Variants in ASTN2 observed in about 807,000 individuals in gnomAD.
ASTN2 encodes the protein astrotactin 2, also known as astrotactin-2.
Under a neutral mutation model 139.8 loss-of-function variants are expected in ASTN2, and 54 were observed. The ratio of observed to expected loss-of-function variants is 0.39; its 90% CI spans 0.31 to 0.48. The LOEUF (loss-of-function observed/expected upper bound fraction) is 0.48, where lower values mean the gene tolerates loss of function less well. Among genes scored for constraint, ASTN2 ranks in the 20% least tolerant of loss-of-function variants. ASTN2 has a pLI of 0.95. For synonymous variants in ASTN2, 756 were observed against 719.5 expected, an observed-to-expected ratio of 1.05 and a Z score of -0.81; for missense variants, 1,565 against 1,725.1, an observed-to-expected ratio of 0.91 and a Z score of 1.64.
chr9:117,081,851 C>G (rs1828437003), intron 5 of ASTN2, among the ~76,000 whole-genome samples: 1 of 152,178 alleles, frequency 6.6e-6, no homozygotes, highest in South Asian at 2.1e-4. Context: ...GCACATCACT[C>G]ATACAGCTAC....
At chr9:116,763,024 C>G (rs1829713617) in intron 13 of ASTN2, among the ~76,000 whole-genome samples, 1 of 152,170 alleles carries the variant, frequency 6.6e-6, no homozygotes, top group Non-Finnish European at 1.5e-5. Flanking sequence ...AATTCCATGA[C>G]TACTTTATTC....
intron 16 of ASTN2, among the ~76,000 whole-genome samples, chr9:116,688,412 GT>G (rs532051101): frequency 1.6e-4 from 25 of 152,016 alleles, no homozygotes; most frequent in Non-Finnish European, 3.1e-4. Flanking sequence ...GACAGAGGGA[GT>G]TCAGGGGACC....
chr9:117,348,265 T>G (rs926049569), intron 1 of ASTN2, among the ~76,000 whole-genome samples: 1 of 152,220 alleles, frequency 6.6e-6, no homozygotes, highest in African/African-American at 2.4e-5. Context: ...TTGACCACTC[T>G]GACTCAGGAT....
chr9:117,094,832 C>T (rs1057074276), intron 5 of ASTN2, among the ~76,000 whole-genome samples: 1 of 152,156 alleles, frequency 6.6e-6, no homozygotes, highest in African/African-American at 2.4e-5. Flanking sequence ...CATAGCTTAA[C>T]CAAAATTCAT....
chr9:116,585,517 C>T (rs1266315723), intron 19 of ASTN2: 1 of 152,116 alleles, frequency 6.6e-6, no homozygotes, highest in Non-Finnish European at 1.5e-5. Flanking sequence ...TAAAACCATA[C>T]ACCCAAGCCA....
chr9:116,515,332 C>T (rs973904373), intron 19 of ASTN2, among the ~76,000 whole-genome samples: 1 of 152,116 alleles, frequency 6.6e-6, no homozygotes, highest in Non-Finnish European at 1.5e-5. Context: ...GAGTTATGGA[C>T]GTGAGATCTA....
In ASTN2 at chr9:116,547,330, A is replaced by G. The variant is rs10817902; in HGVS notation, c.3356-59830T>C. Reference sequence around the variant, plus strand: ...CCACACCAGTCATGTGAAATTGGCAAGACAAGCATCAATTTACAGAGGAGG... The same window carrying G: ...CCACACCAGTCATGTGAAATTGGCAGGACAAGCATCAATTTACAGAGGAGG... On this transcript the variant is annotated intron_variant, in intron 19 of 22. Transcript: ENST00000313400. 0.019 allele frequency: 2,925 copies of G among 152,390 alleles called. 404 individuals carry two copies. In the South Asian group the frequency reaches 0.3, roughly 15 times the overall value. 9.4% of individuals were successfully genotyped at this position (152,390 alleles called of 1,614,324 possible). A position where few individuals can be genotyped will look rare whatever the true frequency, so the allele number is the denominator to read the frequency against.
chr9:117,010,577 T>C (rs1019989946), intron 6 of ASTN2, among the ~76,000 whole-genome samples: 4 of 152,196 alleles, frequency 2.6e-5, no homozygotes, highest in Non-Finnish European at 5.9e-5. Flanking sequence ...CCCTCAGTTA[T>C]CATATATGAA....
Position 117,214,411 on chromosome 9 carries a change from G to T in ASTN2, c.962C>A (p.Thr321Asn), listed in dbSNP as rs771249105. Residue 321 changes from threonine (T) to asparagine (N), a missense_variant, in exon 3 of 23, where the codon ACT (threonine) becomes AAT (asparagine). Thr to Asn is a moderately conservative substitution (Grantham distance 65). Around this residue, in one of 4 missense-constraint regions of ASTN2, gnomAD observed 596 missense variants for 576.8 expected, o/e 1.03. Transcript: ENST00000313400. Reference sequence around the variant, plus strand: ...CCCTGGATGTCCCAGACTGTCCAGAGTGTGGGTCACCTGGCTGCCAAACTC... The same window carrying T: ...CCCTGGATGTCCCAGACTGTCCAGATTGTGGGTCACCTGGCTGCCAAACTC... Reference protein sequence around the residue: ...EDEFGSQVTHTLDSLGHPGEE... With the variant: ...EDEFGSQVTHNLDSLGHPGEE... 3.1e-6 allele frequency: 5 copies of T among 1,613,874 alleles called. No homozygotes were observed. The highest frequency in any genetic ancestry group is 4.2e-6 in the Non-Finnish European group (5 of 1,179,852).
rs185858666 is a variant in ASTN2 at position 117,350,519 on chromosome 9, G to A, written c.443-59006C>T. On this transcript the variant is annotated intron_variant, in intron 1 of 22. Coordinates refer to ENST00000313400, the MANE Select transcript of ASTN2 (RefSeq NM_001365068.1). Reference sequence around the variant, plus strand: ...CAGTGAGCTGAGATTGTGCTACTACGCTTCAGCCTGGGCAACAGAACGAGA... The same window carrying A: ...CAGTGAGCTGAGATTGTGCTACTACACTTCAGCCTGGGCAACAGAACGAGA... Among the ~76,000 whole-genome samples, 26 of 150,542 alleles carry A rather than the reference G, an allele frequency of 1.7e-4. No individual in the cohort carries two copies. The East Asian group carries it at 2.0e-3, about 11-fold the overall frequency.
chr9:117,018,795 G>T (rs1460188016), intron 6 of ASTN2, among the ~76,000 whole-genome samples: 1 of 152,152 alleles, frequency 6.6e-6, no homozygotes, highest in Non-Finnish European at 1.5e-5. Flanking sequence ...CTCATTGAAT[G>T]CACATGGAAA....
At chr9:116,799,712 G>GT in intron 13 of ASTN2, among the ~76,000 whole-genome samples, 1 of 145,748 alleles carries the variant, frequency 6.9e-6, no homozygotes, top group Non-Finnish European at 1.5e-5. Flanking sequence ...AGAGTGGGGG[G>GT]GGGGAGAATA....
At chr9:116,547,465 G>A (rs537871774) in intron 19 of ASTN2, 1 of 152,296 alleles carries the variant, frequency 6.6e-6, no homozygotes, top group South Asian at 2.1e-4. Context: ...ACAGTGTTGT[G>A]TAATGGCTAA....
In ASTN2 at chr9:117,228,172, CT is replaced by C. The variant is rs534208417; in HGVS notation, c.631-13431del. ...ATTGATAATCATGTTTTTAAAAGAA[CT>C]ATATATGTTATAGAGTAATTTACAC... On this transcript the variant is annotated intron_variant, in intron 2 of 22. Transcript: ENST00000313400. Among the ~76,000 whole-genome samples, 496 of 152,054 alleles carry C rather than the reference CT, an allele frequency of 3.3e-3. 2 individuals carry two copies. The highest frequency in any genetic ancestry group is 5.2e-3 in the Non-Finnish European group (357 of 68,008).
intron 2 of ASTN2, among the ~76,000 whole-genome samples, chr9:117,287,164 A>G (rs1040233746): frequency 3.3e-5 from 5 of 152,178 alleles, no homozygotes; most frequent in African/African-American, 1.2e-4. Context: ...TTCATTGTGC[A>G]GGGCATTTGT....
At position 116,571,208 on chromosome 9, in the gene ASTN2, T is replaced by C. The variant is rs147656524; in HGVS notation, c.3355+47116A>G. The stretch of plus-strand genomic sequence containing the variant: ...GTGGTTTCCTCTCCCTGGGGCACCA[T>C]CAGCTCCTACTGTAGCCATCAAGTC... On this transcript the variant is annotated intron_variant, in intron 19 of 22. Coordinates refer to ENST00000313400, the MANE Select transcript of ASTN2 (RefSeq NM_001365068.1). Among the ~76,000 whole-genome samples the C allele has an allele frequency of 6.2e-3, 947 of 152,246 alleles. 14 individuals carry two copies. The highest frequency in any genetic ancestry group is 0.021 in the African/African-American group (886 of 41,542).
At chr9:116,739,354 T>C (rs977957996) in intron 13 of ASTN2, among the ~76,000 whole-genome samples, 5 of 152,330 alleles carry the variant, frequency 3.3e-5, no homozygotes, top group African/African-American at 7.2e-5. Context: ...TGCTGCCTTA[T>C]TGTTTGAGCC....
intron 19 of ASTN2, among the ~76,000 whole-genome samples, chr9:116,597,546 T>G (rs1471994266): frequency 6.6e-6 from 1 of 152,002 alleles, no homozygotes; most frequent in Non-Finnish European, 1.5e-5. Context: ...CACCTCGGCC[T>G]CCCAAAGTGC....
Position 117,277,692 on chromosome 9 carries a change from T to C in ASTN2, c.630+13634A>G, listed in dbSNP as rs534003508. Reference sequence around the variant, plus strand: ...CTAGTAATAGTGGTAGTGCAAGGACTTTAGAATCATGACACTTGGTTACCA... The same window carrying C: ...CTAGTAATAGTGGTAGTGCAAGGACCTTAGAATCATGACACTTGGTTACCA... On this transcript the variant is annotated intron_variant, in intron 2 of 22. Transcript: ENST00000313400. 3.3e-5 allele frequency among the ~76,000 whole-genome samples: 5 copies of C among 152,290 alleles called. No individual in the cohort carries two copies. The South Asian group carries it at 1.0e-3, about 32-fold the overall frequency.
Sources: allele counts gnomAD v4.1 joint callset (sites outside exome capture counted in the v4.1 genomes callset), GRCh38; gene constraint gnomAD v4.1.1; regional missense constraint gnomAD v4.1.1; transcripts MANE v1.5; gene names NCBI Gene and HGNC (gene_info 2026-07-23, HGNC 2026-07-21).